Variants in PRKCE observed in about 807,000 individuals in gnomAD.
The protein encoded by PRKCE is protein kinase C epsilon.
In PRKCE, 16 loss-of-function variants were observed where a neutral mutation model predicts 85.4. That is an observed-to-expected ratio of 0.19 (90% CI 0.13 to 0.28). The LOEUF is 0.28. PRKCE is among the 10% of genes least tolerant of loss of function. The pLI, the probability that PRKCE is intolerant of heterozygous loss-of-function variation, is 1.00. For missense variants in PRKCE, 573 were observed against 975.2 expected, an observed-to-expected ratio of 0.59 and a Z score of 5.49; for synonymous variants, 388 against 371.5, an observed-to-expected ratio of 1.04 and a Z score of -0.51.
At chr2:45,837,890 A>G (rs564790866) in intron 1 of PRKCE, among the ~76,000 whole-genome samples, 1 of 152,330 alleles carries the variant, frequency 6.6e-6, no homozygotes, top group East Asian at 1.9e-4. Flanking sequence ...TTTGAAAATA[A>G]CAAAACTCGC....
intron 10 of PRKCE, among the ~76,000 whole-genome samples, chr2:46,076,744 A>G (rs1158474005): frequency 6.6e-6 from 1 of 152,134 alleles, no homozygotes; most frequent in South Asian, 2.1e-4. Context: ...GATGGACTCT[A>G]CCCTCTCTGG....
At chr2:46,176,203 A>G (rs1225053410) in intron 14 of PRKCE, among the ~76,000 whole-genome samples, 1 of 152,192 alleles carries the variant, frequency 6.6e-6, no homozygotes, top group Non-Finnish European at 1.5e-5. Flanking sequence ...AACCCAAGAG[A>G]GGCAAATTAC....
chr2:45,762,604 A>T (rs371189020), intron 1 of PRKCE, among the ~76,000 whole-genome samples: 2 of 152,336 alleles, frequency 1.3e-5, no homozygotes, highest in East Asian at 3.9e-4. Context: ...GGCAAGGAAG[A>T]TGTTATCTAA....
At chr2:45,869,132 T>C (rs926575567) in intron 2 of PRKCE, among the ~76,000 whole-genome samples, 1 of 152,212 alleles carries the variant, frequency 6.6e-6, no homozygotes, top group Non-Finnish European at 1.5e-5. Context: ...TTTAGCTGAA[T>C]TTAGGAGCTG....
chr2:45,746,462 A>C (rs1683144468), intron 1 of PRKCE, among the ~76,000 whole-genome samples: 1 of 152,236 alleles, frequency 6.6e-6, no homozygotes, highest in Admixed American at 6.5e-5. Context: ...TAAGAAATGG[A>C]AACATTTATA....
At chr2:46,044,328 GT>G (rs1393893567) in intron 10 of PRKCE, among the ~76,000 whole-genome samples, 2 of 152,202 alleles carry the variant, frequency 1.3e-5, no homozygotes, top group Non-Finnish European at 2.9e-5. Context: ...CCAGTGATCT[GT>G]TAGAGAAAGG....
rs200124135 is a variant in PRKCE at position 46,097,362 on chromosome 2, CA to C, written c.1592+11008del. Among the ~76,000 whole-genome samples the C allele has an allele frequency of 2.0e-5, 3 of 151,070 alleles. 1 individual carries two copies. Among genetic ancestry groups the C allele is most frequent in the African/African-American group, 4.9e-5 (2 of 41,098 alleles). On this transcript the variant is annotated intron_variant, in intron 11 of 14. Coordinates refer to ENST00000306156, the MANE Select transcript of PRKCE (RefSeq NM_005400.3). Reference sequence around the variant, plus strand: ...GGAAACCCCGTCTCTACTAAATATACAAAAAAAATTAGCCGGGCGTGGTGGC... The same window carrying C: ...GGAAACCCCGTCTCTACTAAATATACAAAAAAATTAGCCGGGCGTGGTGGC...
intron 1 of PRKCE, among the ~76,000 whole-genome samples, chr2:45,750,255 C>T (rs777067102): frequency 3.9e-5 from 6 of 152,174 alleles, no homozygotes; most frequent in Non-Finnish European, 7.3e-5. Context: ...CAAAAGGAAA[C>T]CCTGTACTCA....
intron 10 of PRKCE, among the ~76,000 whole-genome samples, chr2:46,014,777 C>T (rs1216619164): frequency 6.6e-6 from 1 of 152,120 alleles, no homozygotes; most frequent in Non-Finnish European, 1.5e-5. Flanking sequence ...AGGAAGGTTT[C>T]CTGATGGAGG....
intron 1 of PRKCE, among the ~76,000 whole-genome samples, chr2:45,797,978 G>T (rs190982888): frequency 6.6e-6 from 1 of 152,320 alleles, no homozygotes; most frequent in East Asian, 1.9e-4. Flanking sequence ...ACCCAGGAAT[G>T]TAGACTTGTT....
chr2:45,793,473 A>G (rs964961543), intron 1 of PRKCE, among the ~76,000 whole-genome samples: 1 of 152,180 alleles, frequency 6.6e-6, no homozygotes, highest in Non-Finnish European at 1.5e-5. Flanking sequence ...CAGGTGTTCT[A>G]TCTCGTTTGT....
chr2:45,699,039 G>A (rs1052784357), intron 1 of PRKCE, among the ~76,000 whole-genome samples: 17 of 151,900 alleles, frequency 1.1e-4, no homozygotes, highest in South Asian at 8.3e-4. Context: ...TTCTAGCTTC[G>A]TCTATTTCTA....
chr2:45,713,154 C>T (rs746831839), intron 1 of PRKCE, among the ~76,000 whole-genome samples: 1 of 152,082 alleles, frequency 6.6e-6, no homozygotes, highest in Non-Finnish European at 1.5e-5. Context: ...GCTGTCACCT[C>T]GAGGCTCTTA....
chr2:45,935,614 C>T (rs1273875640), intron 2 of PRKCE, among the ~76,000 whole-genome samples: 1 of 151,986 alleles, frequency 6.6e-6, no homozygotes, highest in Non-Finnish European at 1.5e-5. Context: ...TGGTGAAACC[C>T]CATCTCTACT....
chr2:46,027,051 C>T (rs936651777), intron 10 of PRKCE, among the ~76,000 whole-genome samples: 1 of 152,106 alleles, frequency 6.6e-6, no homozygotes, highest in Non-Finnish European at 1.5e-5. Flanking sequence ...TGCCTGTTGT[C>T]CCAGCTACTC....
At chr2:46,083,583 G>T (rs1669306025) in intron 10 of PRKCE, among the ~76,000 whole-genome samples, 1 of 152,196 alleles carries the variant, frequency 6.6e-6, no homozygotes, top group Non-Finnish European at 1.5e-5. Context: ...AGTGTTCAGT[G>T]AATGATCCAG....
At chr2:46,010,945 T>G in intron 10 of PRKCE, 1 of 1,414,880 alleles carries the variant, frequency 7.1e-7, no homozygotes, top group East Asian at 2.5e-5. Context: ...TCATCTGAAA[T>G]AAAGGATGTG....
intron 2 of PRKCE, among the ~76,000 whole-genome samples, chr2:45,959,810 G>A (rs1452237366): frequency 6.6e-6 from 1 of 152,174 alleles, no homozygotes; most frequent in Admixed American, 6.5e-5. Flanking sequence ...CTAAAGTGGG[G>A]CCTCTGGTCT....
chr2:46,010,899 TA>T (rs1238436678), intron 10 of PRKCE: 1 of 1,477,538 alleles, frequency 6.8e-7, no homozygotes, highest in East Asian at 2.5e-5. Flanking sequence ...TGAAAAAGAG[TA>T]AAGGCCACCT....
Sources: allele counts gnomAD v4.1 joint callset (sites outside exome capture counted in the v4.1 genomes callset), GRCh38; gene constraint gnomAD v4.1.1; transcripts MANE v1.5; gene names NCBI Gene and HGNC (gene_info 2026-07-23, HGNC 2026-07-21).